The following MSH3 variants were observed in gnomAD, a reference collection of about 807,000 sequenced individuals.
The protein encoded by MSH3 is DNA mismatch repair protein Msh3.
A neutral mutation model predicts 123.3 loss-of-function variants in MSH3; 106 were observed. That is an observed-to-expected ratio of 0.86 (90% confidence interval 0.73 to 1.01). MSH3 has a LOEUF of 1.01. Among genes scored for constraint, MSH3 ranks in the 50% least tolerant of loss-of-function variants. The probability of loss-of-function intolerance (pLI) is 0.00; values close to 1 mark genes in which losing one functional copy is unlikely to be tolerated. For missense variants in MSH3, 1,459 were observed against 1,347.6 expected (o/e 1.08, Z -1.29); for synonymous variants, 515 against 481.4 (o/e 1.07, Z -0.91).
chr5:80,693,634 C>T (rs868308262), intron 8 of MSH3, among the ~76,000 whole-genome samples: 4 of 131,336 alleles, frequency 3.0e-5, no homozygotes, highest in African/African-American at 1.0e-4. Flanking sequence ...TACACACACA[C>T]ACACACACAC....
intron 21 of MSH3, among the ~76,000 whole-genome samples, chr5:80,860,909 C>A (rs977667905): frequency 6.6e-6 from 1 of 152,188 alleles, no homozygotes; most frequent in African/African-American, 2.4e-5. Flanking sequence ...AAGATGTCCT[C>A]AAGCTCAGAG....
At chr5:80,817,891 T>G (rs1440533969) in intron 20 of MSH3, among the ~76,000 whole-genome samples, 4 of 152,236 alleles carry the variant, frequency 2.6e-5, no homozygotes, top group Non-Finnish European at 2.9e-5. Flanking sequence ...TTGTGACAAC[T>G]TATGATGTCT....
At chr5:80,698,496 A>G (rs1019550270) in intron 8 of MSH3, among the ~76,000 whole-genome samples, 6 of 152,140 alleles carry the variant, frequency 3.9e-5, no homozygotes, top group Admixed American at 3.9e-4. Context: ...CTAGTTTGCT[A>G]GAGGGGTGTG....
chr5:80,671,108 G>A (rs149643902), intron 4 of MSH3, among the ~76,000 whole-genome samples: 1,550 of 133,638 alleles, frequency 0.012, 26 homozygotes, highest in African/African-American at 0.044. Context: ...GGGCGGCACA[G>A]CAAGACTCTG....
intron 18 of MSH3, among the ~76,000 whole-genome samples, chr5:80,790,475 T>A (rs1744589013): frequency 6.6e-6 from 1 of 152,216 alleles, no homozygotes; most frequent in African/African-American, 2.4e-5. Flanking sequence ...GTGATCTTAT[T>A]TTTTCTGTAT....
At chr5:80,819,417 TG>T (rs563801218) in intron 20 of MSH3, among the ~76,000 whole-genome samples, 82 of 147,532 alleles carry the variant, frequency 5.6e-4, no homozygotes, top group African/African-American at 2.0e-3. Context: ...TGTGTATATA[TG>T]TATATATGTG....
intron 8 of MSH3, among the ~76,000 whole-genome samples, chr5:80,721,065 A>G (rs1163998899): frequency 1.3e-5 from 2 of 152,158 alleles, no homozygotes; most frequent in African/African-American, 4.8e-5. Context: ...TTAATTTTCC[A>G]CCAGTATATT....
intron 10 of MSH3, among the ~76,000 whole-genome samples, chr5:80,738,940 A>G (rs1743563158): frequency 6.6e-6 from 1 of 152,218 alleles, no homozygotes. Flanking sequence ...GACACACAGA[A>G]GGTGCCATCT....
chr5:80,687,876 C>T (rs532382571), intron 8 of MSH3, among the ~76,000 whole-genome samples: 4 of 152,076 alleles, frequency 2.6e-5, no homozygotes, highest in East Asian at 1.9e-4. Context: ...AAGGAAAAAG[C>T]GGATACAGAG....
intron 4 of MSH3, among the ~76,000 whole-genome samples, chr5:80,670,942 A>G (rs1335088044): frequency 6.6e-6 from 1 of 152,008 alleles, no homozygotes; most frequent in Non-Finnish European, 1.5e-5. Context: ...CAACATGGTG[A>G]AACCGCATCT....
chr5:80,833,939 T>C (rs1745463520), intron 20 of MSH3, among the ~76,000 whole-genome samples: 1 of 152,244 alleles, frequency 6.6e-6, no homozygotes, highest in Non-Finnish European at 1.5e-5. Context: ...TATAAGATGT[T>C]ATTCAGTTGT....
chr5:80,826,769 G>A (rs1489302663), intron 20 of MSH3, among the ~76,000 whole-genome samples: 2 of 151,996 alleles, frequency 1.3e-5, no homozygotes, highest in South Asian at 2.1e-4. Context: ...AGCTGGTCTC[G>A]AACTCCTAAC....
Position 80,779,456 on chromosome 5 carries a change from C to G in MSH3, c.2435+620C>G, listed in dbSNP as rs187944133. Among the ~76,000 whole-genome samples the G allele has an allele frequency of 3.3e-5, 5 of 152,034 alleles. No individual in the cohort carries two copies. The East Asian group carries it at 9.7e-4, about 29-fold the overall frequency. On this transcript the variant is annotated intron_variant, in intron 17 of 23. Coordinates refer to ENST00000265081, the MANE Select transcript of MSH3 (RefSeq NM_002439.5). ...GTTTTAGGCATTGTAACACTTTACC[C>G]CTAAATACTTAAGCCTACGTCTTTA... is the stretch of plus-strand genomic sequence containing the variant.
At chr5:80,784,719 G>A (rs1164427244) in intron 17 of MSH3, among the ~76,000 whole-genome samples, 1 of 152,092 alleles carries the variant, frequency 6.6e-6, no homozygotes, top group Non-Finnish European at 1.5e-5. Context: ...GGTGACTGAG[G>A]GCTGCCTGTC....
chr5:80,739,484 A>C (rs933959164), intron 10 of MSH3, among the ~76,000 whole-genome samples: 1 of 152,218 alleles, frequency 6.6e-6, no homozygotes, highest in Non-Finnish European at 1.5e-5. Flanking sequence ...TAGACCCTCT[A>C]CTGTCTGCTA....
intron 19 of MSH3, among the ~76,000 whole-genome samples, chr5:80,796,621 A>G (rs1327516729): frequency 2.0e-5 from 3 of 152,146 alleles, no homozygotes; most frequent in Non-Finnish European, 4.4e-5. Flanking sequence ...GTTTTTGATA[A>G]TCATGTGGTT....
intron 20 of MSH3, among the ~76,000 whole-genome samples, chr5:80,838,249 A>T (rs1745552879): frequency 6.6e-6 from 1 of 152,208 alleles, no homozygotes; most frequent in East Asian, 1.9e-4. Context: ...CACCACAGGT[A>T]CTTTTCAGCC....
At chr5:80,866,374 A>G (rs245338) in intron 22 of MSH3, among the ~76,000 whole-genome samples, 68,737 of 152,044 alleles carry the variant, frequency 0.45, 16,966 homozygotes, top group Non-Finnish European at 0.56. Flanking sequence ...GTTGAATTCA[A>G]GTGATCCTCC....
chr5:80,655,123 C>G, intron 1 of MSH3, 159 bp downstream of exon 1: 1 of 520,190 alleles, frequency 1.9e-6, no homozygotes, highest in Non-Finnish European at 3.3e-6. Context: ...GCCGGGGCTA[C>G]AAATTGGGTG....
Sources: gnomAD v4.1 joint callset for allele counts (sites outside exome capture counted in the v4.1 genomes callset) on GRCh38, gnomAD v4.1.1 for gene constraint, MANE v1.5 for transcripts, NCBI Gene and HGNC (gene_info 2026-07-23, HGNC 2026-07-21) for gene names.